Variants in EPHA5 observed in about 807,000 individuals in gnomAD.
EPHA5 encodes ephrin type-A receptor 5.
EPHA5 carries 60 observed loss-of-function variants against 105.0 expected under a neutral mutation model. The observed-to-expected ratio is 0.57, with a 90% CI of 0.46 to 0.71. EPHA5 has a LOEUF of 0.71. EPHA5 is among the 30% of genes least tolerant of loss of function. The pLI is 0.00. For missense variants in EPHA5, 1,218 were observed against 1,274.7 expected (o/e 0.96, Z 0.68); for synonymous variants, 513 against 449.1 (o/e 1.14, Z -1.80).
At chr4:65,518,135 A>G (rs921020508) in intron 3 of EPHA5, among the ~76,000 whole-genome samples, 4 of 151,966 alleles carry the variant, frequency 2.6e-5, no homozygotes, top group African/African-American at 9.7e-5. Flanking sequence ...TCACCTTTGA[A>G]AAGCTGTGAC....
intron 3 of EPHA5, among the ~76,000 whole-genome samples, chr4:65,519,249 G>A (rs1329411289): frequency 6.6e-6 from 1 of 151,926 alleles, no homozygotes; most frequent in Non-Finnish European, 1.5e-5. Flanking sequence ...CTGTAAACCA[G>A]CATATAAACA....
intron 2 of EPHA5, among the ~76,000 whole-genome samples, chr4:65,602,847 T>G (rs567034947): frequency 2.0e-4 from 31 of 152,230 alleles, no homozygotes; most frequent in Non-Finnish European, 1.0e-4. Flanking sequence ...GGAATAAAAG[T>G]TGAAAGAAAA....
intron 16 of EPHA5, among the ~76,000 whole-genome samples, chr4:65,329,582 T>C (rs1348325700): frequency 6.6e-6 from 1 of 151,462 alleles, no homozygotes; most frequent in Non-Finnish European, 1.5e-5. Flanking sequence ...CCTAAGTATT[T>C]ACAACAGTTA....
At chr4:65,369,485 TGAC>T in intron 8 of EPHA5, among the ~76,000 whole-genome samples, 2 of 152,256 alleles carry the variant, frequency 1.3e-5, no homozygotes, top group South Asian at 4.1e-4. Flanking sequence ...AACTACCGTG[TGAC>T]GTAAATGAAG....
At chr4:65,469,394 A>G (rs1729068799) in intron 5 of EPHA5, among the ~76,000 whole-genome samples, 1 of 152,196 alleles carries the variant, frequency 6.6e-6, no homozygotes, top group African/African-American at 2.4e-5. Context: ...TAGGTATTCA[A>G]GTTATGTATT....
chr4:65,376,974 G>T, intron 8 of EPHA5: 1 of 1,591,126 alleles, frequency 6.3e-7, no homozygotes, highest in Non-Finnish European at 8.6e-7. Context: ...TCACATAGGA[G>T]TGAAAGTGGG....
rs149077729 is a variant in EPHA5 at position 65,666,965 on chromosome 4, G to A, written c.181+2597C>T. Among the ~76,000 whole-genome samples the A allele has an allele frequency of 8.5e-5, 13 of 152,128 alleles. No homozygotes were observed. The East Asian group carries it at 1.7e-3, about 20-fold the overall frequency. ...TAAAACTTTTTTTCACATAATGGGA[G>A]CATTCATAATACGCACACACACACA... On this transcript the variant is annotated intron_variant, in intron 1 of 16. Transcript: ENST00000613740.
intron 3 of EPHA5, among the ~76,000 whole-genome samples, chr4:65,503,475 AT>A (rs955319980): frequency 3.3e-5 from 5 of 151,844 alleles, no homozygotes; most frequent in African/African-American, 9.7e-5. Flanking sequence ...AGTTTAAATG[AT>A]TGAAAACAAT....
intron 2 of EPHA5, among the ~76,000 whole-genome samples, chr4:65,611,029 A>T (rs958507452): frequency 1.3e-5 from 2 of 152,186 alleles, no homozygotes; most frequent in African/African-American, 4.8e-5. Flanking sequence ...TGGTGAGTTT[A>T]TATCTTTCTT....
intron 8 of EPHA5, among the ~76,000 whole-genome samples, chr4:65,385,801 C>T (rs2148941250): frequency 6.6e-6 from 1 of 151,726 alleles, no homozygotes; most frequent in South Asian, 2.1e-4. Flanking sequence ...ATATGATCTC[C>T]AACAGGAATT....
intron 5 of EPHA5, among the ~76,000 whole-genome samples, chr4:65,487,317 G>A (rs1030240574): frequency 6.6e-6 from 1 of 152,056 alleles, no homozygotes; most frequent in African/African-American, 2.4e-5. Context: ...AACTTTGGGG[G>A]GAATTTAGTT....
chr4:65,443,905 CTGTG>C lies in EPHA5; in HGVS notation c.1403-23344_1403-23341del, dbSNP rs57129731. 7.1e-4 allele frequency among the ~76,000 whole-genome samples: 107 copies of C among 150,046 alleles called. 1 individual carries two copies. The highest frequency in any genetic ancestry group is 9.3e-4 in the African/African-American group (38 of 40,966). On this transcript the variant is annotated intron_variant, in intron 5 of 16. Coordinates refer to ENST00000613740, the MANE Select transcript of EPHA5 (RefSeq NM_001281766.3). Reference sequence around the variant, plus strand: ...TTTCTACTTGCAGATGTTTGTGTGCCTGTGTGTGTGTGTGTGTGTGTGTGCGTGC... The same window carrying C: ...TTTCTACTTGCAGATGTTTGTGTGCCTGTGTGTGTGTGTGTGTGTGCGTGC...
intron 5 of EPHA5, among the ~76,000 whole-genome samples, chr4:65,486,446 G>A (rs1171032687): frequency 6.6e-6 from 1 of 151,878 alleles, no homozygotes; most frequent in African/African-American, 2.4e-5. Flanking sequence ...TTACAGAGAG[G>A]GCCAAAGGGA....
At chr4:65,425,970 C>A (rs1397238470) in intron 5 of EPHA5, among the ~76,000 whole-genome samples, 1 of 152,152 alleles carries the variant, frequency 6.6e-6, no homozygotes, top group Non-Finnish European at 1.5e-5. Context: ...ATTTTTCTGA[C>A]AACTTCGTAA....
intron 3 of EPHA5, among the ~76,000 whole-genome samples, chr4:65,585,597 C>CA (rs1342678954): frequency 6.6e-6 from 1 of 151,174 alleles, no homozygotes; most frequent in African/African-American, 2.4e-5. Context: ...TTTTTGTTTC[C>CA]AAGAACAAAG....
intron 5 of EPHA5, among the ~76,000 whole-genome samples, chr4:65,484,204 G>T (rs28461951): frequency 0.056 from 8,553 of 152,004 alleles, 419 homozygotes; most frequent in African/African-American, 0.13. Context: ...GCCGCTTTTT[G>T]GCAGAAGCAA....
chr4:65,514,485 G>A (rs536367351), intron 3 of EPHA5, among the ~76,000 whole-genome samples: 27 of 152,216 alleles, frequency 1.8e-4, no homozygotes, highest in African/African-American at 6.3e-4. Context: ...CTAAGGCCCC[G>A]ACCAACAATT....
intron 3 of EPHA5, among the ~76,000 whole-genome samples, chr4:65,544,789 G>T (rs1267063461): frequency 7.9e-5 from 12 of 151,844 alleles, no homozygotes; most frequent in African/African-American, 2.9e-4. Context: ...ATTAATTGCA[G>T]CACTGTTCAC....
chr4:65,645,921 C>T (rs979971349), intron 1 of EPHA5, among the ~76,000 whole-genome samples: 1 of 152,074 alleles, frequency 6.6e-6, no homozygotes, highest in Non-Finnish European at 1.5e-5. Context: ...GGTAATTACA[C>T]ATCCCATTTC....
Sources: gnomAD v4.1 joint callset for allele counts (sites outside exome capture counted in the v4.1 genomes callset) on GRCh38, gnomAD v4.1.1 for gene constraint, MANE v1.5 for transcripts, NCBI Gene and HGNC (gene_info 2026-07-23, HGNC 2026-07-21) for gene names.